TYW1: variants seen among roughly 807,000 people sequenced by gnomAD.
TYW1 encodes the protein tRNA-yW synthesizing protein 1 homolog.
A neutral mutation model predicts 96.2 loss-of-function variants in TYW1; 46 were observed. That is an observed-to-expected ratio of 0.48 (90% CI 0.38 to 0.61). TYW1 has a LOEUF of 0.61. Among genes scored for constraint, TYW1 ranks in the 20% least tolerant of loss-of-function variants. The pLI is 0.00. For synonymous variants in TYW1, 274 were observed against 323.0 expected, an observed-to-expected ratio of 0.85 and a Z score of 1.63; for missense variants, 684 against 909.6, an observed-to-expected ratio of 0.75 and a Z score of 3.19.
rs1471268998 is a variant in TYW1 at position 67,117,559 on chromosome 7, C to T, written c.1639C>T (p.Pro547Ser). 6.2e-7 allele frequency: 1 copy of T among 1,614,014 alleles called. No homozygotes were observed. The highest frequency in any genetic ancestry group is 1.1e-5 in the South Asian group (1 of 91,072). Reference sequence around the variant, plus strand: ...AGACAGCCTGAAGAAAATCGACCGCCCACTCTTCAAGGATTTCTGGCAGAG... The same window carrying T: ...AGACAGCCTGAAGAAAATCGACCGCTCACTCTTCAAGGATTTCTGGCAGAG... ...TKDSLKKIDR[P>S]LFKDFWQRFL... The change falls in exon 13 of 16, where the codon CCA becomes TCA. Residue 547 changes from proline to serine, a missense_variant. By Grantham distance (74) the Pro-to-Ser change is moderately conservative (BLOSUM62 -1). Transcript: ENST00000359626.
chr7:67,128,417 T>C (rs1797968104), intron 13 of TYW1, among the ~76,000 whole-genome samples: 1 of 152,206 alleles, frequency 6.6e-6, no homozygotes, highest in African/African-American at 2.4e-5. Context: ...GTTTACATTG[T>C]CTATCTGTTC....
chr7:67,019,621 A>G (rs185589623), intron 6 of TYW1, among the ~76,000 whole-genome samples: 1,492 of 152,324 alleles, frequency 9.8e-3, no homozygotes, highest in Non-Finnish European at 0.015. Context: ...GGGGTGAGCC[A>G]CTGCACCTAG....
intron 14 of TYW1, among the ~76,000 whole-genome samples, chr7:67,189,061 G>T (rs1239999507): frequency 1.3e-5 from 2 of 152,112 alleles, no homozygotes; most frequent in Non-Finnish European, 2.9e-5. Flanking sequence ...TTCTCATTTT[G>T]CTTGTAGCAC....
chr7:67,089,793 G>A (rs1300844471), intron 11 of TYW1, among the ~76,000 whole-genome samples: 4 of 152,028 alleles, frequency 2.6e-5, no homozygotes, highest in Admixed American at 6.6e-5. Context: ...CTTTATTAGC[G>A]TTCCTTTTAT....
At chr7:67,001,433 A>T (rs1238498519) in intron 3 of TYW1, among the ~76,000 whole-genome samples, 4 of 150,366 alleles carry the variant, frequency 2.7e-5, no homozygotes, top group Non-Finnish European at 5.9e-5. Flanking sequence ...TTATTTATTT[A>T]TTTTTTTGAG....
intron 13 of TYW1, among the ~76,000 whole-genome samples, chr7:67,139,460 C>T: frequency 6.6e-6 from 1 of 152,124 alleles, no homozygotes; most frequent in East Asian, 1.9e-4. Context: ...TGCATATACA[C>T]ATATGTGTAT....
At chr7:67,178,635 T>C (rs1296132840) in intron 13 of TYW1, among the ~76,000 whole-genome samples, 2 of 152,090 alleles carry the variant, frequency 1.3e-5, no homozygotes, top group Admixed American at 6.6e-5. Context: ...TGGAGCAACA[T>C]AGGTGAATTT....
At chr7:67,176,795 A>T (rs71563181) in intron 13 of TYW1, among the ~76,000 whole-genome samples, 2 of 151,840 alleles carry the variant, frequency 1.3e-5, no homozygotes, top group Admixed American at 6.6e-5. Flanking sequence ...ATTTTTCAAC[A>T]TTGGCACCAT....
chr7:67,235,186 C>G (rs58848117), intron 15 of TYW1, among the ~76,000 whole-genome samples: 40,504 of 151,860 alleles, frequency 0.27, 5,724 homozygotes, highest in African/African-American at 0.36. Flanking sequence ...CTGGGATCCC[C>G]AAAGAGACTC....
At chr7:67,007,726 C>T (rs571525712) in intron 3 of TYW1, among the ~76,000 whole-genome samples, 6 of 152,222 alleles carry the variant, frequency 3.9e-5, no homozygotes, top group African/African-American at 1.4e-4. Flanking sequence ...CCTCTGCCTC[C>T]TGGATTCAAG....
intron 14 of TYW1, among the ~76,000 whole-genome samples, chr7:67,192,893 G>A (rs1183129819): frequency 6.6e-6 from 1 of 152,190 alleles, no homozygotes; most frequent in African/African-American, 2.4e-5. Flanking sequence ...GTAAGTGATT[G>A]GTGGAAGGAA....
intron 10 of TYW1, among the ~76,000 whole-genome samples, chr7:67,068,566 C>T (rs1389590301): frequency 1.3e-5 from 2 of 152,232 alleles, no homozygotes; most frequent in Non-Finnish European, 2.9e-5. Flanking sequence ...GTACCCCACC[C>T]ACCCTTGTCA....
In TYW1 at chr7:67,191,762, C is replaced by A. The variant is rs535535091; in HGVS notation, c.1810-3408C>A. On this transcript the variant is annotated intron_variant, in intron 14 of 15. Transcript: ENST00000359626. ...AGCTCGGGGTCCCTGAGGTGACCCC[C>A]AGTCTAAGTCACCAAGAACATTTTC... Among the ~76,000 whole-genome samples, 66 of 151,554 alleles carry A rather than the reference C, an allele frequency of 4.4e-4. No individual in the cohort carries two copies. The East Asian group carries it at 0.012, about 28-fold the overall frequency.
At chr7:67,052,139 C>T (rs1190739885) in intron 8 of TYW1, among the ~76,000 whole-genome samples, 3 of 152,058 alleles carry the variant, frequency 2.0e-5, no homozygotes, top group Non-Finnish European at 2.9e-5. Context: ...TAGTTTTCTT[C>T]ATGTTTCTTT....
intron 13 of TYW1, among the ~76,000 whole-genome samples, chr7:67,129,387 G>A (rs1452984488): frequency 6.6e-6 from 1 of 152,136 alleles, no homozygotes; most frequent in Non-Finnish European, 1.5e-5. Flanking sequence ...TAATGACTGG[G>A]TCTGTCTGGA....
At chr7:67,012,775 G>C (rs1046330940) in intron 4 of TYW1, among the ~76,000 whole-genome samples, 9 of 152,124 alleles carry the variant, frequency 5.9e-5, no homozygotes, top group Admixed American at 1.3e-4. Context: ...ATGAAATTGT[G>C]AAAAATATTG....
chr7:67,013,605 C>T (rs1361731800), intron 4 of TYW1, among the ~76,000 whole-genome samples: 6 of 152,132 alleles, frequency 3.9e-5, no homozygotes, highest in Admixed American at 2.0e-4. Context: ...CACCACAGAG[C>T]AGCTTCCACT....
At chr7:67,047,586 ATTATAT>A (rs1795224758) in intron 7 of TYW1, among the ~76,000 whole-genome samples, 1 of 151,040 alleles carries the variant, frequency 6.6e-6, no homozygotes, top group African/African-American at 2.4e-5. Context: ...TTGCATTTTG[ATTATAT>A]TTAGTAATTT....
intron 13 of TYW1, among the ~76,000 whole-genome samples, chr7:67,165,142 T>G (rs564582187): frequency 6.6e-6 from 1 of 152,250 alleles, no homozygotes; most frequent in South Asian, 2.1e-4. Context: ...AAAAAAAATC[T>G]TTGCCAATTT....
Sources: gnomAD v4.1 joint callset for allele counts (sites outside exome capture counted in the v4.1 genomes callset) on GRCh38, gnomAD v4.1.1 for gene constraint, MANE v1.5 for transcripts, NCBI Gene and HGNC (gene_info 2026-07-23, HGNC 2026-07-21) for gene names.